The following LANCL3 variants were observed in gnomAD, a reference collection of about 807,000 sequenced individuals.
LANCL3 encodes the protein lanC-like protein 3.
LANCL3 carries 19 observed loss-of-function variants against 26.5 expected under a neutral mutation model. The ratio of observed to expected loss-of-function variants is 0.72; its 90% CI spans 0.50 to 1.05. The LOEUF is 1.05. Ranked by LOEUF, LANCL3 falls within the 50% of genes least tolerant of loss-of-function variation. LANCL3 has a pLI of 0.00. For missense variants in LANCL3, 318 were observed against 362.7 expected, an observed-to-expected ratio of 0.88 and a Z score of 1.00; for synonymous variants, 160 against 166.6, an observed-to-expected ratio of 0.96 and a Z score of 0.30.
intron 1 of LANCL3, among the ~76,000 whole-genome samples, chrX:37,590,641 C>G (rs1321240235): frequency 8.9e-6 from 1 of 112,243 alleles, no homozygotes; most frequent in Non-Finnish European, 1.9e-5. Context: ...TGACTTTCCC[C>G]TATCCCTAAT....
rs190459751 is a variant in LANCL3 at position 37,668,148 on chromosome X, A to C, written c.1103+659A>C. Among the ~76,000 whole-genome samples, 3 of 108,153 alleles carry C rather than the reference A, an allele frequency of 2.8e-5. No homozygotes were observed. In the East Asian group the frequency reaches 8.6e-4, roughly 31 times the overall value. 93.9% of individuals were successfully genotyped at this position (108,153 alleles called of 115,157 possible). A position where few individuals can be genotyped will look rare whatever the true frequency, so the allele number is the denominator to read the frequency against. ...TTAGGGGGATATTTAGGTTATTTCT[A>C]ATATTGTGTACTACAAATAATGCTA... On this transcript the variant is annotated intron_variant, in intron 4 of 4. Transcript: ENST00000378619.
At chrX:37,603,834 G>A (rs1556420290) in intron 1 of LANCL3, among the ~76,000 whole-genome samples, 2 of 112,450 alleles carry the variant, frequency 1.8e-5, no homozygotes, top group African/African-American at 6.5e-5. Context: ...ATAGGCATGA[G>A]CACATTCAGG....
Position 37,659,674 on chromosome X carries a change from G to A in LANCL3, c.895+15G>A, listed in dbSNP as rs782561413. The A allele has an allele frequency of 2.5e-5, 30 of 1,196,811 alleles. No homozygotes were observed. The East Asian group carries it at 8.3e-4, about 33-fold the overall frequency. On this transcript the variant is annotated intron_variant, in intron 3 of 4. Transcript: ENST00000378619. Reference sequence around the variant, plus strand: ...TGGCGCTCCAGGTCTCACACACTCTGTTACCTAAAAATATTGCCTTTCATC... The same window carrying A: ...TGGCGCTCCAGGTCTCACACACTCTATTACCTAAAAATATTGCCTTTCATC...
At chrX:37,598,997 A>G (rs371205519) in intron 1 of LANCL3, among the ~76,000 whole-genome samples, 1 of 112,463 alleles carries the variant, frequency 8.9e-6, no homozygotes, top group South Asian at 3.7e-4. Context: ...TTAAAAAAGT[A>G]TATCTTGGAA....
intron 4 of LANCL3, among the ~76,000 whole-genome samples, chrX:37,671,439 T>C (rs1363460096): frequency 9.0e-6 from 1 of 111,654 alleles, no homozygotes; most frequent in Non-Finnish European, 1.9e-5. Flanking sequence ...TTATAACACT[T>C]CTCTGTTCAG....
rs1926988403 is a variant in LANCL3, at chrX:37,683,529, G to A, written c.*7716G>A. The A allele has an allele frequency of 8.9e-6, 1 of 111,853 alleles. No individual in the cohort carries two copies. The highest frequency in any genetic ancestry group is 9.5e-5 in the Admixed American group (1 of 10,523). The allele number at this position is 111,853 out of a possible 1,213,427, so 9.2% of individuals were successfully genotyped here. Reference sequence around the variant, plus strand: ...GCACTAAATCAAACAGCACTTATCTGTTGTATACAAGTAAAATTTTGAAAG... The same window carrying A: ...GCACTAAATCAAACAGCACTTATCTATTGTATACAAGTAAAATTTTGAAAG... On this transcript the variant is annotated 3_prime_UTR_variant, in exon 5 of 5. Coordinates refer to ENST00000378619, the MANE Select transcript of LANCL3 (RefSeq NM_001170331.2).
At chrX:37,603,243 G>C (rs1235708439) in intron 1 of LANCL3, among the ~76,000 whole-genome samples, 3 of 112,267 alleles carry the variant, frequency 2.7e-5, no homozygotes, top group Non-Finnish European at 5.6e-5. Context: ...CAATGTGGTA[G>C]AGATATCAGA....
At chrX:37,630,314 T>G (rs1925456677) in intron 1 of LANCL3, among the ~76,000 whole-genome samples, 1 of 111,893 alleles carries the variant, frequency 8.9e-6, no homozygotes, top group African/African-American at 3.3e-5. Flanking sequence ...TCTTGAGACT[T>G]TGCTAAAGTT....
intron 1 of LANCL3, among the ~76,000 whole-genome samples, chrX:37,643,214 A>G (rs950676196): frequency 5.3e-5 from 6 of 112,225 alleles, no homozygotes; most frequent in Non-Finnish European, 1.1e-4. Flanking sequence ...AGTACATAAG[A>G]AAATAGACAT....
rs1176899007 is a variant in LANCL3 at position 37,684,420 on chromosome X, C to G, written c.*8607C>G. On this transcript the variant is annotated 3_prime_UTR_variant, in exon 5 of 5. Coordinates refer to ENST00000378619, the MANE Select transcript of LANCL3 (RefSeq NM_001170331.2). ...TATGTACAGTACACTTAATGTAAAACCTGTGATAATCCTTTGCCTTAAAAT... is the reference window on the plus strand; with the variant it reads ...TATGTACAGTACACTTAATGTAAAAGCTGTGATAATCCTTTGCCTTAAAAT... 2.7e-5 allele frequency: 3 copies of G among 112,699 alleles called. No homozygotes were observed. In the South Asian group the frequency reaches 1.1e-3, roughly 40 times the overall value. 9.3% of individuals were successfully genotyped at this position (112,699 alleles called of 1,213,427 possible).
chrX:37,633,430 G>A (rs887758962), intron 1 of LANCL3, among the ~76,000 whole-genome samples: 1 of 111,580 alleles, frequency 9.0e-6, no homozygotes, highest in East Asian at 2.8e-4. Flanking sequence ...CTCTCACCTC[G>A]TCAAAGTCAT....
chrX:37,582,105 A>T (rs1394834716), intron 1 of LANCL3, among the ~76,000 whole-genome samples: 1 of 111,786 alleles, frequency 8.9e-6, no homozygotes, highest in East Asian at 2.8e-4. Flanking sequence ...TACAAAGGAA[A>T]TGAACTCATC....
intron 1 of LANCL3, among the ~76,000 whole-genome samples, chrX:37,617,854 G>T (rs1403614161): frequency 9.0e-6 from 1 of 111,529 alleles, no homozygotes; most frequent in African/African-American, 3.3e-5. Flanking sequence ...AGATGAGTTT[G>T]GCTAAAGCAT....
In LANCL3 at chrX:37,572,528, C is replaced by G. The variant is rs782594453; in HGVS notation, c.573+85C>G. Reference sequence around the variant, plus strand: ...GACTCCGTGGCTCGGGCAGCACTGTCCCGAGTTGCTCTCCAAGTCTTTGTT... The same window carrying G: ...GACTCCGTGGCTCGGGCAGCACTGTGCCGAGTTGCTCTCCAAGTCTTTGTT... On this transcript the variant is annotated intron_variant, in intron 1 of 4. Coordinates refer to ENST00000378619, the MANE Select transcript of LANCL3 (RefSeq NM_001170331.2). 9.9e-6 allele frequency: 8 copies of G among 806,661 alleles called. No individual in the cohort carries two copies. The East Asian group carries it at 2.8e-4, about 28-fold the overall frequency. The allele number at this position is 806,661 out of a possible 1,213,427, so 66.5% of individuals were successfully genotyped here. A position where few individuals can be genotyped will look rare whatever the true frequency, so the allele number is the denominator to read the frequency against.
rs1926197739 is a variant in LANCL3, at chrX:37,653,121, C to A, written c.574-2567C>A. ...GTTTCTGAGAGATAAGAGGAAACCA[C>A]CCAGACATGATACATGACCATGGGA... is the stretch of plus-strand genomic sequence containing the variant. On this transcript the variant is annotated intron_variant, in intron 1 of 4. Transcript: ENST00000378619. Among the ~76,000 whole-genome samples, 3 of 110,969 alleles carry A rather than the reference C, an allele frequency of 2.7e-5. No homozygotes were observed. The South Asian group carries it at 1.2e-3, about 43-fold the overall frequency.
At chrX:37,606,246 G>C (rs1556420529) in intron 1 of LANCL3, among the ~76,000 whole-genome samples, 1 of 111,444 alleles carries the variant, frequency 9.0e-6, no homozygotes. Flanking sequence ...GTTTTTATTG[G>C]GGGGTGGTAA....
At position 37,571,984 on chromosome X, in the gene LANCL3, C is replaced by T. The variant is rs560726901; in HGVS notation, c.114C>T (p.Ile38=). 4.0e-5 allele frequency: 48 copies of T among 1,192,842 alleles called. No individual in the cohort carries two copies. The Admixed American group carries it at 9.7e-4, about 24-fold the overall frequency. ...TGGTCACCGCCACCATCGAGCGCATCCTCCAGGAGCTTCCCCCACTCGGGG... is the reference window on the plus strand; with the variant it reads ...TGGTCACCGCCACCATCGAGCGCATTCTCCAGGAGCTTCCCCCACTCGGGG... ...APLVTATIER[I]LQELPPLGGG... is the part of the protein sequence containing the mutation. The change falls in exon 1 of 5, where the codon ATC becomes ATT. Residue 38 remains isoleucine (I), a synonymous_variant. Transcript: ENST00000378619.
In LANCL3 at chrX:37,683,848, T is replaced by A. The variant is rs1295464482; in HGVS notation, c.*8035T>A. Reference sequence around the variant, plus strand: ...TCTATTATTATGTACATAATATTTTTAAAAATAATGGGTATTTTGGTCCTA... The same window carrying A: ...TCTATTATTATGTACATAATATTTTAAAAAATAATGGGTATTTTGGTCCTA... On this transcript the variant is annotated 3_prime_UTR_variant, in exon 5 of 5. Transcript: ENST00000378619. The A allele has an allele frequency of 4.5e-5, 5 of 112,038 alleles. No homozygotes were observed. The highest frequency in any genetic ancestry group is 9.4e-5 in the Non-Finnish European group (5 of 53,217). 9.2% of individuals were successfully genotyped at this position (112,038 alleles called of 1,213,427 possible). A position where few individuals can be genotyped will look rare whatever the true frequency, so the allele number is the denominator to read the frequency against.
chrX:37,600,286 T>TA (rs1166579233), intron 1 of LANCL3, among the ~76,000 whole-genome samples: 3 of 112,275 alleles, frequency 2.7e-5, no homozygotes, highest in Admixed American at 9.4e-5. Flanking sequence ...ATTTATAAAT[T>TA]AAACTTTATT....
Sources: gnomAD v4.1 joint callset for allele counts (sites outside exome capture counted in the v4.1 genomes callset) on GRCh38, gnomAD v4.1.1 for gene constraint, MANE v1.5 for transcripts, NCBI Gene and HGNC (gene_info 2026-07-23, HGNC 2026-07-21) for gene names.